The following SMAP1 variants were observed in gnomAD, a reference collection of about 807,000 sequenced individuals.
The protein encoded by SMAP1 is small ArfGAP 1, also known as stromal membrane-associated protein 1.
In SMAP1, 24 loss-of-function variants were observed where a neutral mutation model predicts 58.5. The observed-to-expected ratio is 0.41, with a 90% CI of 0.30 to 0.58. The LOEUF (loss-of-function observed/expected upper bound fraction) is 0.58. Among genes scored for constraint, SMAP1 ranks in the 20% least tolerant of loss-of-function variants. The probability of loss-of-function intolerance (pLI) is 0.29; values close to 1 mark genes in which losing one functional copy is unlikely to be tolerated. For synonymous variants in SMAP1, 216 were observed against 196.6 expected (o/e 1.10, Z -0.82); for missense variants, 563 against 566.3 (o/e 0.99, Z 0.06).
At chr6:70,714,843 C>A (rs1216786769) in intron 1 of SMAP1, among the ~76,000 whole-genome samples, 2 of 152,144 alleles carry the variant, frequency 1.3e-5, no homozygotes, top group African/African-American at 4.8e-5. Flanking sequence ...CTTTATCTCC[C>A]CTTCAGCTTT....
intron 1 of SMAP1, among the ~76,000 whole-genome samples, chr6:70,696,896 T>C (rs930241361): frequency 3.3e-5 from 5 of 152,372 alleles, no homozygotes; most frequent in Admixed American, 2.0e-4. Flanking sequence ...TAATAATATT[T>C]GCTTTATATA....
chr6:70,699,981 G>A (rs186712835), intron 1 of SMAP1, among the ~76,000 whole-genome samples: 6 of 151,884 alleles, frequency 4.0e-5, no homozygotes, highest in African/African-American at 1.5e-4. Flanking sequence ...GATATGGTTT[G>A]GGTATTTGTC....
At chr6:70,792,257 A>G (rs1160716246) in intron 5 of SMAP1, among the ~76,000 whole-genome samples, 2 of 151,868 alleles carry the variant, frequency 1.3e-5, no homozygotes, top group Non-Finnish European at 2.9e-5. Context: ...TGCAGATACT[A>G]CCACTATGTA....
chr6:70,768,162 C>T (rs1271797076), intron 3 of SMAP1, among the ~76,000 whole-genome samples: 3 of 152,080 alleles, frequency 2.0e-5, no homozygotes, highest in Admixed American at 6.5e-5. Flanking sequence ...CAGTATTTTA[C>T]TGAGGATTTT....
chr6:70,784,711 A>G (rs1331269648), intron 4 of SMAP1, among the ~76,000 whole-genome samples: 4 of 152,232 alleles, frequency 2.6e-5, no homozygotes, highest in Admixed American at 2.0e-4. Flanking sequence ...AAAGAAGACC[A>G]TTACATAATG....
At chr6:70,823,668 A>G (rs1183963537) in intron 6 of SMAP1, among the ~76,000 whole-genome samples, 1 of 152,180 alleles carries the variant, frequency 6.6e-6, no homozygotes, top group Non-Finnish European at 1.5e-5. Flanking sequence ...ACTTTAAATA[A>G]TATATAGATT....
At chr6:70,859,662 C>T (rs1478929891) in intron 10 of SMAP1, 1 of 258,848 alleles carries the variant, frequency 3.9e-6, no homozygotes, top group African/African-American at 2.2e-5. Flanking sequence ...TATTTGACTC[C>T]AGTCTTGAAG....
At chr6:70,783,866 G>C (rs180790738) in intron 4 of SMAP1, among the ~76,000 whole-genome samples, 1,836 of 151,966 alleles carry the variant, frequency 0.012, 10 homozygotes, top group Non-Finnish European at 0.02. Context: ...GAACCAAGTT[G>C]GAAAACACTC....
intron 7 of SMAP1, among the ~76,000 whole-genome samples, chr6:70,846,027 C>T: frequency 6.6e-6 from 1 of 152,124 alleles, no homozygotes; most frequent in East Asian, 1.9e-4. Context: ...ATATTGGTAG[C>T]AATGGCTGTG....
chr6:70,786,735 TC>T (rs1338384661), intron 4 of SMAP1, among the ~76,000 whole-genome samples: 1 of 151,908 alleles, frequency 6.6e-6, no homozygotes, highest in East Asian at 1.9e-4. Flanking sequence ...TACCTACAAA[TC>T]CAACTTACAA....
At chr6:70,821,328 A>G (rs1229993839) in intron 6 of SMAP1, among the ~76,000 whole-genome samples, 1 of 150,970 alleles carries the variant, frequency 6.6e-6, no homozygotes, top group Non-Finnish European at 1.5e-5. Flanking sequence ...GTCTGTCTAC[A>G]TATGCCATAC....
rs9455228 is a variant in SMAP1 at position 70,790,126 on chromosome 6, C to T, written c.415-1563C>T. ...ACAGCTATCTTCTAAAGTGATCGTA[C>T]GGCTTTTTATTCTTTTTATTTTTTA... On this transcript the variant is annotated intron_variant, in intron 4 of 10. Coordinates refer to ENST00000370455, the MANE Select transcript of SMAP1 (RefSeq NM_001044305.3). Among the ~76,000 whole-genome samples the T allele has an allele frequency of 6.3e-3, 961 of 152,162 alleles. 7 individuals carry two copies. The highest frequency in any genetic ancestry group is 0.022 in the African/African-American group (918 of 41,524).
intron 6 of SMAP1, among the ~76,000 whole-genome samples, chr6:70,824,958 T>C (rs985042290): frequency 2.0e-5 from 3 of 152,196 alleles, no homozygotes; most frequent in Admixed American, 2.0e-4. Flanking sequence ...CAAGTTCTAA[T>C]AGGAACAGAA....
At chr6:70,799,559 C>T (rs897051791) in intron 6 of SMAP1, among the ~76,000 whole-genome samples, 2 of 152,004 alleles carry the variant, frequency 1.3e-5, no homozygotes, top group Non-Finnish European at 2.9e-5. Context: ...AAGGGAGCAT[C>T]CTTGATTTTA....
intron 7 of SMAP1, among the ~76,000 whole-genome samples, 157 bp downstream of exon 7, chr6:70,837,185 G>T (rs547129199): frequency 6.6e-6 from 1 of 152,242 alleles, no homozygotes; most frequent in Admixed American, 6.5e-5. Context: ...CCACAAAAAA[G>T]AAATCTTTAA....
intron 1 of SMAP1, among the ~76,000 whole-genome samples, chr6:70,684,022 T>G (rs1460215203): frequency 6.6e-6 from 1 of 152,118 alleles, no homozygotes. Flanking sequence ...AGAAGGGAGG[T>G]AAATTGTGGG....
intron 1 of SMAP1, among the ~76,000 whole-genome samples, chr6:70,697,683 G>A (rs921532467): frequency 1.3e-5 from 2 of 152,020 alleles, no homozygotes; most frequent in Non-Finnish European, 2.9e-5. Context: ...TATGTATCTT[G>A]TGTAGGGTTT....
intron 1 of SMAP1, among the ~76,000 whole-genome samples, chr6:70,682,424 AGT>A (rs1368738310): frequency 1.3e-5 from 2 of 151,978 alleles, no homozygotes; most frequent in Admixed American, 1.3e-4. Context: ...CCTGACCTCA[AGT>A]GATCCACCTG....
intron 6 of SMAP1, among the ~76,000 whole-genome samples, chr6:70,820,489 A>G (rs1272253071): frequency 6.6e-6 from 1 of 152,160 alleles, no homozygotes; most frequent in Non-Finnish European, 1.5e-5. Context: ...AGGCGGGCGG[A>G]TCATGAGGTC....
Sources: gnomAD v4.1 joint callset for allele counts (sites outside exome capture counted in the v4.1 genomes callset) on GRCh38, gnomAD v4.1.1 for gene constraint, MANE v1.5 for transcripts, NCBI Gene and HGNC (gene_info 2026-07-23, HGNC 2026-07-21) for gene names.